UBXN2A: variants seen among roughly 807,000 people sequenced by gnomAD.
UBXN2A encodes UBX domain protein 2A.
A neutral mutation model predicts 28.4 loss-of-function variants in UBXN2A; 28 were observed. That is an observed-to-expected ratio of 0.99 (90% CI 0.73 to 1.35). The LOEUF is 1.35. UBXN2A is among the 40% of genes most tolerant of loss of function. UBXN2A has a pLI of 0.00. For missense variants in UBXN2A, 253 were observed against 297.9 expected, an observed-to-expected ratio of 0.85 and a Z score of 1.11; for synonymous variants, 97 against 103.6, an observed-to-expected ratio of 0.94 and a Z score of 0.39.
intron 1 of UBXN2A, among the ~76,000 whole-genome samples, chr2:23,945,080 A>T (rs1255699836): frequency 6.6e-6 from 1 of 152,004 alleles, no homozygotes; most frequent in African/African-American, 2.4e-5. Context: ...ATACTTATTA[A>T]AAAAAAGGGG....
upstream of UBXN2A, among the ~76,000 whole-genome samples, chr2:23,938,060 C>T (rs1705581633): frequency 6.6e-6 from 1 of 152,118 alleles, no homozygotes; most frequent in South Asian, 2.1e-4. Flanking sequence ...TGCTGTAAGT[C>T]ATGGACCGAA....
chr2:23,929,718 A>T (rs373076917), intron 1 of UBXN2A, among the ~76,000 whole-genome samples: 63 of 152,162 alleles, frequency 4.1e-4, no homozygotes, highest in East Asian at 1.9e-3. Context: ...ATCTCAAAAA[A>T]AAATAAATAA....
chr2:23,997,614 G>A (rs111734699), intron 6 of UBXN2A, among the ~76,000 whole-genome samples: 5 of 151,190 alleles, frequency 3.3e-5, no homozygotes, highest in African/African-American at 4.9e-5. Flanking sequence ...CACCCAGCTA[G>A]TTTTTGTATT....
In UBXN2A at chr2:24,000,936, T is replaced by C. The variant is rs1415984511; in HGVS notation, c.*1069T>C. The C allele has an allele frequency of 1.3e-5, 2 of 152,212 alleles. No homozygotes were observed. The highest frequency in any genetic ancestry group is 4.8e-5 in the African/African-American group (2 of 41,466). 9.4% of individuals were successfully genotyped at this position (152,212 alleles called of 1,614,324 possible). On this transcript the variant is annotated 3_prime_UTR_variant, in exon 7 of 7. Coordinates refer to ENST00000309033, the MANE Select transcript of UBXN2A (RefSeq NM_181713.4). ...CCACTCACTTAGAATATAATGCCGG[T>C]GTGTGTCACATTACTAGTATTTTTT...
chr2:23,972,921 T>G (rs1020688495), intron 3 of UBXN2A, among the ~76,000 whole-genome samples: 1 of 152,192 alleles, frequency 6.6e-6, no homozygotes, highest in Admixed American at 6.6e-5. Context: ...CATAAAGTAT[T>G]TCTACAATAT....
intron 2 of UBXN2A, among the ~76,000 whole-genome samples, chr2:23,968,675 GAA>G (rs759514933): frequency 8.6e-6 from 1 of 116,244 alleles, no homozygotes. Flanking sequence ...TCCGTCTCAG[GAA>G]AAAAAAAAAA....
At chr2:23,955,399 C>G (rs1199125573) in intron 1 of UBXN2A, among the ~76,000 whole-genome samples, 1 of 152,190 alleles carries the variant, frequency 6.6e-6, no homozygotes, top group Non-Finnish European at 1.5e-5. Context: ...ACCTGTTCTT[C>G]CATTTTGCTG....
At chr2:23,975,448 G>A (rs1707616588) in intron 3 of UBXN2A, among the ~76,000 whole-genome samples, 1 of 152,132 alleles carries the variant, frequency 6.6e-6, no homozygotes, top group East Asian at 1.9e-4. Flanking sequence ...AGCAGACTGA[G>A]AGCGGTACCA....
At chr2:23,944,398 C>T (rs7558300) in intron 1 of UBXN2A, 583,361 of 1,241,486 alleles carry the variant, frequency 0.47, 142,463 homozygotes, top group East Asian at 0.8. Flanking sequence ...ATTGTATTCA[C>T]CCATCTTTCA....
intron 1 of UBXN2A, among the ~76,000 whole-genome samples, chr2:23,929,736 G>C (rs184482603): frequency 6.4e-4 from 98 of 152,032 alleles, no homozygotes; most frequent in African/African-American, 2.1e-3. Flanking sequence ...TAAATAAAAA[G>C]GCTAGTGTCC....
intron 1 of UBXN2A, among the ~76,000 whole-genome samples, chr2:23,956,768 C>T (rs947981922): frequency 6.6e-5 from 10 of 152,190 alleles, no homozygotes; most frequent in Admixed American, 2.6e-4. Flanking sequence ...GAAAAACATT[C>T]TCCTTAAACA....
chr2:23,940,329 G>A (rs2150792295), upstream of UBXN2A: 1 of 151,972 alleles, frequency 6.6e-6, no homozygotes, highest in East Asian at 1.9e-4. Flanking sequence ...CGGGCCAGTG[G>A]TGGGAAGGGG....
At chr2:23,990,547 G>A (rs142692025) in intron 6 of UBXN2A, among the ~76,000 whole-genome samples, 2 of 113,752 alleles carry the variant, frequency 1.8e-5, no homozygotes, top group South Asian at 3.4e-4. Context: ...GGGCGGGGGG[G>A]CGGATCACTT....
At chr2:23,992,359 T>G (rs1708384550) in intron 6 of UBXN2A, among the ~76,000 whole-genome samples, 2 of 152,174 alleles carry the variant, frequency 1.3e-5, no homozygotes, top group South Asian at 4.1e-4. Context: ...AGGAAGTGGA[T>G]AGTTTGTGGA....
intron 3 of UBXN2A, among the ~76,000 whole-genome samples, chr2:23,973,234 T>A (rs1229802531): frequency 6.6e-6 from 1 of 152,100 alleles, no homozygotes; most frequent in Non-Finnish European, 1.5e-5. Context: ...TTGGTCAGGC[T>A]GGTCTCGAAC....
chr2:23,972,584 G>A (rs1707463577), intron 3 of UBXN2A, among the ~76,000 whole-genome samples: 1 of 152,188 alleles, frequency 6.6e-6, no homozygotes, highest in East Asian at 1.9e-4. Flanking sequence ...AGCACTTTGG[G>A]AGGCTGAGGC....
chr2:23,995,480 A>T (rs999254665), intron 6 of UBXN2A, among the ~76,000 whole-genome samples: 3 of 152,030 alleles, frequency 2.0e-5, no homozygotes, highest in Non-Finnish European at 4.4e-5. Context: ...TCACGAGGTC[A>T]GGAGATCGAG....
chr2:23,956,355 T>C (rs1317507033), intron 1 of UBXN2A, among the ~76,000 whole-genome samples: 2 of 152,116 alleles, frequency 1.3e-5, no homozygotes, highest in Non-Finnish European at 2.9e-5. Context: ...TAATTTATTA[T>C]TTGTTTCTTT....
In UBXN2A at chr2:24,002,906, C is replaced by T. The variant is rs1005578085; in HGVS notation, c.*3039C>T. The stretch of plus-strand genomic sequence containing the variant: ...AAGAATGAAAAGAAGCAAATAATGC[C>T]TTAGTATGATTATGAAAAACGTTTT... On this transcript the variant is annotated 3_prime_UTR_variant, in exon 7 of 7. Transcript: ENST00000309033. The T allele has an allele frequency of 2.6e-5, 4 of 152,122 alleles. No individual in the cohort carries two copies. The highest frequency in any genetic ancestry group is 9.7e-5 in the African/African-American group (4 of 41,416). The allele number at this position is 152,122 out of a possible 1,614,324, so 9.4% of individuals were successfully genotyped here.
Sources: allele counts gnomAD v4.1 joint callset (sites outside exome capture counted in the v4.1 genomes callset), GRCh38; gene constraint gnomAD v4.1.1; transcripts MANE v1.5; gene names NCBI Gene and HGNC (gene_info 2026-07-23, HGNC 2026-07-21).